The following HEATR5A variants were observed in gnomAD, a reference collection of about 807,000 sequenced individuals.
HEATR5A encodes the protein HEAT repeat-containing protein 5A.
Under a neutral mutation model 218.8 loss-of-function variants are expected in HEATR5A, and 178 were observed. The observed-to-expected ratio is 0.81, with a 90% CI of 0.72 to 0.92. HEATR5A has a LOEUF of 0.92. Among genes scored for constraint, HEATR5A ranks in the 40% least tolerant of loss-of-function variants. The pLI, the probability that HEATR5A is intolerant of heterozygous loss-of-function variation, is 0.00. For synonymous variants in HEATR5A, 864 were observed against 871.6 expected, an observed-to-expected ratio of 0.99 and a Z score of 0.15; for missense variants, 2,420 against 2,418.9, an observed-to-expected ratio of 1.00 and a Z score of -0.01.
rs1226876277 is a variant in HEATR5A, at chr14:31,380,466, C to G, written c.1708+1G>C. On this transcript the variant is annotated splice_donor_variant, in intron 11 of 35. Coordinates refer to ENST00000543095, the MANE Select transcript of HEATR5A (RefSeq NM_015473.4). LOFTEE classifies it high-confidence loss of function. ...TATGTAAACCTTCTACAGACTGTTA[C>G]CTAATGTCATCAGAGCAGAAATCAG... is the stretch of plus-strand genomic sequence containing the variant. 1.3e-6 allele frequency: 2 copies of G among 1,588,090 alleles called. No homozygotes were observed. The highest frequency in any genetic ancestry group is 2.3e-5 in the South Asian group (2 of 87,956).
intron 1 of HEATR5A, among the ~76,000 whole-genome samples, chr14:31,412,628 G>T: frequency 6.6e-6 from 1 of 152,158 alleles, no homozygotes; most frequent in East Asian, 1.9e-4. Context: ...AGTGGCTCAC[G>T]CCTGTTAATT....
intron 6 of HEATR5A, among the ~76,000 whole-genome samples, chr14:31,393,843 T>C (rs892212568): frequency 6.6e-6 from 1 of 152,122 alleles, no homozygotes; most frequent in Non-Finnish European, 1.5e-5. Context: ...TAGACGGGTC[T>C]CACCATGTTG....
intron 1 of HEATR5A, among the ~76,000 whole-genome samples, chr14:31,410,970 A>G (rs577439072): frequency 1.3e-5 from 2 of 152,322 alleles, no homozygotes; most frequent in East Asian, 3.9e-4. Flanking sequence ...AAATGTTAAC[A>G]ATATAATAAT....
At chr14:31,381,594 G>A (rs2029987755) in intron 10 of HEATR5A, among the ~76,000 whole-genome samples, 1 of 148,488 alleles carries the variant, frequency 6.7e-6, no homozygotes, top group African/African-American at 2.5e-5. Context: ...ACCAGCCTGG[G>A]CAACAGAGTG....
At position 31,411,761 on chromosome 14, in the gene HEATR5A, T is replaced by C. The variant is rs76346611; in HGVS notation, c.-75+8711A>G. On this transcript the variant is annotated intron_variant, in intron 1 of 35. Transcript: ENST00000543095. ...TTTCCCAGCCAGGAATCTCATAGAA[T>C]TGGTGTTCTATAGAATACAATCTTT... 7.9e-3 allele frequency among the ~76,000 whole-genome samples: 1,196 copies of C among 152,296 alleles called. 14 individuals carry two copies. Among genetic ancestry groups the C allele is most frequent in the African/African-American group, 0.027 (1,132 of 41,542 alleles).
chr14:31,369,763 A>G (rs1037009046), intron 13 of HEATR5A, among the ~76,000 whole-genome samples: 4 of 151,852 alleles, frequency 2.6e-5, no homozygotes, highest in Non-Finnish European at 5.9e-5. Flanking sequence ...CTCCATCTCT[A>G]TTAAAAACAC....
chr14:31,418,657 G>A (rs1010190702), intron 1 of HEATR5A, among the ~76,000 whole-genome samples: 5 of 152,138 alleles, frequency 3.3e-5, no homozygotes, highest in African/African-American at 1.2e-4. Flanking sequence ...AAGCAGAAGT[G>A]TTATTTATAT....
chr14:31,336,057 A>C (rs1900641274), intron 22 of HEATR5A, among the ~76,000 whole-genome samples: 1 of 149,824 alleles, frequency 6.7e-6, no homozygotes, highest in Admixed American at 6.7e-5. Flanking sequence ...CAGCAACCTC[A>C]AACTCCTGGG....
intron 12 of HEATR5A, among the ~76,000 whole-genome samples, chr14:31,373,424 G>A (rs765328946): frequency 6.6e-6 from 1 of 151,590 alleles, no homozygotes; most frequent in Non-Finnish European, 1.5e-5. Context: ...TGCCTCTCGG[G>A]TTCAAACGAT....
At chr14:31,375,686 G>A (rs921257340) in intron 11 of HEATR5A, among the ~76,000 whole-genome samples, 1 of 152,120 alleles carries the variant, frequency 6.6e-6, no homozygotes, top group African/African-American at 2.4e-5. Flanking sequence ...ACAGATGTGA[G>A]CCATCTGTAT....
At chr14:31,331,915 C>T (rs777461505) in intron 22 of HEATR5A, among the ~76,000 whole-genome samples, 1 of 152,190 alleles carries the variant, frequency 6.6e-6, no homozygotes, top group African/African-American at 2.4e-5. Flanking sequence ...CAACTAGGTC[C>T]CTCCCTCAAC....
chr14:31,322,652 T>C (rs1174297911), intron 24 of HEATR5A, among the ~76,000 whole-genome samples: 1 of 151,740 alleles, frequency 6.6e-6, no homozygotes, highest in Non-Finnish European at 1.5e-5. Flanking sequence ...ATCTCACTTC[T>C]ACAGAAAAAT....
chr14:31,374,788 G>A (rs1902168222), intron 12 of HEATR5A, 28 bp downstream of exon 12: 6 of 1,582,910 alleles, frequency 3.8e-6, no homozygotes, highest in Non-Finnish European at 5.1e-6. Context: ...CCAAAGGAAA[G>A]GGAGAGAAAA....
chr14:31,359,147 C>CA, intron 14 of HEATR5A, 90 bp from the exon 15 acceptor site: 3 of 1,230,272 alleles, frequency 2.4e-6, no homozygotes, highest in South Asian at 2.8e-5. Flanking sequence ...TTAATGCACC[C>CA]ACTGGCCAAC....
rs780458789 is a variant in HEATR5A, at chr14:31,326,344, T to C, written c.3368-2A>G. ...GGCCAACTTCTCTGATGTTAGCATC[T>C]GACAAGAAGAAAATCAATTATCTAA... is the stretch of plus-strand genomic sequence containing the variant. On this transcript the variant is annotated splice_acceptor_variant, in intron 22 of 35. Transcript: ENST00000543095. LOFTEE classifies it high-confidence loss of function. 1 of 1,603,098 alleles carries C rather than the reference T, an allele frequency of 6.2e-7. No individual in the cohort carries two copies.
In HEATR5A at chr14:31,414,503, A is replaced by G. The variant is rs150410936; in HGVS notation, c.-75+5969T>C. Among the ~76,000 whole-genome samples the G allele has an allele frequency of 5.9e-3, 897 of 152,312 alleles. 11 individuals are homozygous for G. The highest frequency in any genetic ancestry group is 0.011 in the Admixed American group (166 of 15,294). ...GAGACAAATAATATTGAATATAGAT[A>G]TTTTTAAAAGCAGAGCAATATAGGG... On this transcript the variant is annotated intron_variant, in intron 1 of 35. Coordinates refer to ENST00000543095, the MANE Select transcript of HEATR5A (RefSeq NM_015473.4).
At chr14:31,319,655 A>G (rs750582907) in intron 25 of HEATR5A, among the ~76,000 whole-genome samples, 4 of 152,206 alleles carry the variant, frequency 2.6e-5, no homozygotes, top group Admixed American at 6.5e-5. Context: ...GGATTACAAG[A>G]CAGCTAATGA....
chr14:31,340,167 A>C (rs1367483951), intron 21 of HEATR5A, among the ~76,000 whole-genome samples: 1 of 152,220 alleles, frequency 6.6e-6, no homozygotes, highest in Non-Finnish European at 1.5e-5. Context: ...AAATTAAATT[A>C]AACTGTAACT....
intron 23 of HEATR5A, among the ~76,000 whole-genome samples, 154 bp from the exon 24 acceptor site, chr14:31,323,958 T>G (rs747996990): frequency 2.0e-5 from 3 of 152,066 alleles, no homozygotes; most frequent in Non-Finnish European, 4.4e-5. Context: ...ATCAAATAAT[T>G]AGGTCTAATA....
Sources: allele counts gnomAD v4.1 joint callset (sites outside exome capture counted in the v4.1 genomes callset), GRCh38; gene constraint gnomAD v4.1.1; transcripts MANE v1.5; gene names NCBI Gene and HGNC (gene_info 2026-07-23, HGNC 2026-07-21).